RORB: variants seen among roughly 807,000 people sequenced by gnomAD.
The protein encoded by RORB is RAR related orphan receptor B.
A neutral mutation model predicts 59.1 loss-of-function variants in RORB; 6 were observed. That is an observed-to-expected ratio of 0.10 (90% confidence interval 0.06 to 0.20). The LOEUF is 0.20. RORB is among the 10% of genes least tolerant of loss of function. RORB has a pLI of 1.00. For synonymous variants in RORB, 215 were observed against 204.5 expected (o/e 1.05, Z -0.44); for missense variants, 320 against 560.5 (o/e 0.57, Z 4.33).
chr9:74,566,102 T>A (rs1322678843), intron 1 of RORB, among the ~76,000 whole-genome samples: 2 of 152,148 alleles, frequency 1.3e-5, no homozygotes, highest in Non-Finnish European at 2.9e-5. Context: ...TCTGCTTCCT[T>A]CCTCTGCTGT....
intron 1 of RORB, among the ~76,000 whole-genome samples, chr9:74,611,523 C>G (rs771160023): frequency 6.6e-5 from 10 of 152,118 alleles, no homozygotes; most frequent in Admixed American, 6.5e-5. Flanking sequence ...GATGAGCCAT[C>G]GATGTAAAAC....
intron 9 of RORB, among the ~76,000 whole-genome samples, chr9:74,677,704 A>C (rs1824469147): frequency 2.0e-5 from 3 of 152,208 alleles, no homozygotes; most frequent in Admixed American, 6.5e-5. Context: ...GAGGAACCTG[A>C]GCATTACCTT....
chr9:74,508,704 A>G (rs970336466), intron 1 of RORB, among the ~76,000 whole-genome samples: 2 of 152,044 alleles, frequency 1.3e-5, no homozygotes, highest in African/African-American at 4.8e-5. Flanking sequence ...ATTTCTTATA[A>G]AAGTCTTAAG....
chr9:74,517,981 G>A (rs979298391), intron 1 of RORB, among the ~76,000 whole-genome samples: 3 of 151,954 alleles, frequency 2.0e-5, no homozygotes, highest in African/African-American at 7.2e-5. Context: ...AGCACAGAGA[G>A]GTTAAGTCAT....
At chr9:74,544,805 C>G (rs1054585289) in intron 1 of RORB, among the ~76,000 whole-genome samples, 1 of 152,196 alleles carries the variant, frequency 6.6e-6, no homozygotes, top group South Asian at 2.1e-4. Context: ...TCAACCCCCA[C>G]CTGCAGAAGG....
intron 1 of RORB, among the ~76,000 whole-genome samples, chr9:74,528,234 T>G (rs933039634): frequency 2.6e-5 from 4 of 151,994 alleles, no homozygotes; most frequent in African/African-American, 9.7e-5. Context: ...TGAGGGGTTC[T>G]TAGAGTCCAA....
chr9:74,575,295 C>T (rs1387318808), intron 1 of RORB, among the ~76,000 whole-genome samples: 1 of 152,096 alleles, frequency 6.6e-6, no homozygotes, highest in Non-Finnish European at 1.5e-5. Flanking sequence ...AATGTCCACT[C>T]GTTGGAGACA....
At chr9:74,673,225 T>C (rs927863939) in intron 9 of RORB, among the ~76,000 whole-genome samples, 3 of 152,192 alleles carry the variant, frequency 2.0e-5, no homozygotes, top group African/African-American at 7.2e-5. Flanking sequence ...AATATATGCA[T>C]GTGTCTCTAT....
chr9:74,648,958 T>A (rs1460466708), intron 4 of RORB, among the ~76,000 whole-genome samples: 1 of 151,484 alleles, frequency 6.6e-6, no homozygotes, highest in East Asian at 1.9e-4. Context: ...GTTCATAAAA[T>A]GAAGATAGGT....
intron 1 of RORB, among the ~76,000 whole-genome samples, chr9:74,585,857 C>A (rs1020442751): frequency 6.6e-6 from 1 of 151,768 alleles, no homozygotes; most frequent in East Asian, 1.9e-4. Context: ...TGCAGTGGAG[C>A]GATCTCGGCT....
At chr9:74,595,351 A>G (rs1008383509) in intron 1 of RORB, among the ~76,000 whole-genome samples, 4 of 152,232 alleles carry the variant, frequency 2.6e-5, no homozygotes, top group African/African-American at 9.6e-5. Context: ...CTAACAAAGC[A>G]GTCTTACTTT....
rs201758649 is a variant in RORB, at chr9:74,663,768, G to A, written c.892+1162G>A. Among the ~76,000 whole-genome samples the A allele has an allele frequency of 2.0e-5, 3 of 152,210 alleles. No individual in the cohort carries two copies. In the East Asian group the frequency reaches 5.8e-4, roughly 29 times the overall value. ...TAGTTGACAGCCTGGAACTGGGCTA[G>A]GGGCCTCAGTTCCTCTCCATGTGAG... On this transcript the variant is annotated intron_variant, in intron 6 of 9. Transcript: ENST00000376896.
chr9:74,658,023 A>AAG (rs1824115538), intron 4 of RORB, among the ~76,000 whole-genome samples: 1 of 141,528 alleles, frequency 7.1e-6, no homozygotes, highest in Non-Finnish European at 1.6e-5. Flanking sequence ...AAAAAAAAAA[A>AAG]AAAAAGAAAA....
chr9:74,627,757 G>T (rs1007264752), intron 1 of RORB, among the ~76,000 whole-genome samples: 4 of 151,394 alleles, frequency 2.6e-5, no homozygotes, highest in Admixed American at 6.6e-5. Context: ...AGTCAATTTT[G>T]TAATCGTTAT....
chr9:74,665,756 C>T (rs1824254393), intron 7 of RORB, among the ~76,000 whole-genome samples, 161 bp downstream of exon 7: 2 of 152,206 alleles, frequency 1.3e-5, no homozygotes, highest in South Asian at 2.1e-4. Flanking sequence ...AGGCAAGCCT[C>T]TCCTGATCTT....
chr9:74,529,190 C>G (rs777493556), intron 1 of RORB, among the ~76,000 whole-genome samples: 1 of 151,628 alleles, frequency 6.6e-6, no homozygotes, highest in Non-Finnish European at 1.5e-5. Flanking sequence ...TTTCTTGATA[C>G]AGGGGAGAGA....
chr9:74,628,806 A>T (rs945879226), intron 1 of RORB, among the ~76,000 whole-genome samples: 2 of 152,214 alleles, frequency 1.3e-5, no homozygotes, highest in African/African-American at 4.8e-5. Flanking sequence ...TAATTTTAAC[A>T]ACTCTTAGAA....
chr9:74,500,647 A>G (rs1335141071), intron 1 of RORB, among the ~76,000 whole-genome samples: 3 of 152,146 alleles, frequency 2.0e-5, no homozygotes, highest in Non-Finnish European at 4.4e-5. Flanking sequence ...AGCGACGGAA[A>G]GGTGATCTGG....
At chr9:74,600,695 A>G (rs1159626788) in intron 1 of RORB, among the ~76,000 whole-genome samples, 1 of 152,224 alleles carries the variant, frequency 6.6e-6, no homozygotes, top group African/African-American at 2.4e-5. Flanking sequence ...TTTTAGAGTT[A>G]ACAACATTAA....
Sources: gnomAD v4.1 joint callset for allele counts (sites outside exome capture counted in the v4.1 genomes callset) on GRCh38, gnomAD v4.1.1 for gene constraint, MANE v1.5 for transcripts, NCBI Gene and HGNC (gene_info 2026-07-23, HGNC 2026-07-21) for gene names.